Variants in LRRC8B observed in about 807,000 individuals in gnomAD.
The protein encoded by LRRC8B is leucine rich repeat containing 8 VRAC subunit B.
In LRRC8B, 23 loss-of-function variants were observed where a neutral mutation model predicts 58.8. That is an observed-to-expected ratio of 0.39 (90% CI 0.28 to 0.55). The LOEUF (loss-of-function observed/expected upper bound fraction) is 0.55, where lower values mean the gene tolerates loss of function less well. Ranked by LOEUF, LRRC8B falls within the 20% of genes least tolerant of loss-of-function variation. LRRC8B has a pLI of 0.62. For missense variants in LRRC8B, 694 were observed against 936.0 expected (o/e 0.74, Z 3.37); for synonymous variants, 359 against 374.1 (o/e 0.96, Z 0.47).
chr1:89,577,657 G>A (rs569737818), intron 3 of LRRC8B, among the ~76,000 whole-genome samples: 63 of 152,184 alleles, frequency 4.1e-4, no homozygotes, highest in African/African-American at 1.2e-3. Flanking sequence ...TTTATACATA[G>A]GAATGCTGAG....
At chr1:89,580,446 A>G (rs1654136104) in intron 4 of LRRC8B, among the ~76,000 whole-genome samples, 1 of 152,224 alleles carries the variant, frequency 6.6e-6, no homozygotes, top group South Asian at 2.1e-4. Flanking sequence ...ATACATGTCA[A>G]CTAAAATCCT....
intron 1 of LRRC8B, among the ~76,000 whole-genome samples, chr1:89,562,997 A>G (rs1652795553): frequency 6.6e-6 from 1 of 152,228 alleles, no homozygotes; most frequent in Non-Finnish European, 1.5e-5. Flanking sequence ...ATGGTAACCT[A>G]TGAATTATGA....
At chr1:89,560,080 A>G (rs1652506277) in intron 1 of LRRC8B, among the ~76,000 whole-genome samples, 1 of 152,232 alleles carries the variant, frequency 6.6e-6, no homozygotes, top group Non-Finnish European at 1.5e-5. Context: ...CTCTAACATT[A>G]CATGTAAGGA....
chr1:89,568,144 A>G (rs911009987), intron 1 of LRRC8B, 103 bp from the exon 2 acceptor site: 1 of 152,144 alleles, frequency 6.6e-6, no homozygotes, highest in African/African-American at 2.4e-5. Flanking sequence ...ATGCTATCTT[A>G]TTCTCCATTA....
rs1281755246 is a variant in LRRC8B at position 89,593,567 on chromosome 1, C to T, written c.*524C>T. ...ACCTGAAGTTTTGTGAATAACTGTTCTTTAACTTATTGAGATGTTGCAAGA... is the reference window on the plus strand; with the variant it reads ...ACCTGAAGTTTTGTGAATAACTGTTTTTTAACTTATTGAGATGTTGCAAGA... On this transcript the variant is annotated 3_prime_UTR_variant, in exon 6 of 6. Coordinates refer to ENST00000330947, the MANE Select transcript of LRRC8B (RefSeq NM_001369817.2). 6.6e-6 allele frequency: 1 copy of T among 152,634 alleles called. No homozygotes were observed. The highest frequency in any genetic ancestry group is 1.9e-4 in the East Asian group (1 of 5,190). The allele number at this position is 152,634 out of a possible 1,614,324, so 9.5% of individuals were successfully genotyped here. A position where few individuals can be genotyped will look rare whatever the true frequency, so the allele number is the denominator to read the frequency against.
intron 1 of LRRC8B, among the ~76,000 whole-genome samples, chr1:89,544,608 A>T (rs1422497389): frequency 6.6e-6 from 1 of 152,208 alleles, no homozygotes; most frequent in Admixed American, 6.5e-5. Flanking sequence ...AATAATAATA[A>T]TATCCCAGTG....
chr1:89,574,346 A>G (rs1653681892), intron 3 of LRRC8B, among the ~76,000 whole-genome samples: 1 of 152,264 alleles, frequency 6.6e-6, no homozygotes, highest in Non-Finnish European at 1.5e-5. Context: ...AGATGCTGGC[A>G]TAACAAAAAT....
intron 5 of LRRC8B, 33 bp from the exon 6 acceptor site, chr1:89,592,738 A>G: frequency 1.3e-6 from 2 of 1,594,520 alleles, no homozygotes; most frequent in East Asian, 2.2e-5. Context: ...CCAAAAACCT[A>G]TTTTACCAGC....
intron 1 of LRRC8B, among the ~76,000 whole-genome samples, chr1:89,531,877 G>T (rs72957878): frequency 2.0e-5 from 3 of 152,066 alleles, no homozygotes; most frequent in Non-Finnish European, 4.4e-5. Flanking sequence ...GGTCAGGTTC[G>T]CAGGCAATCC....
Position 89,584,180 on chromosome 1 carries a change from G to T in LRRC8B, c.1530G>T (p.Lys510Asn), listed in dbSNP as rs759086623. ...GKIPRWVFHL[K>N]NLKELYLSGC... ...TCCCACGCTGGGTATTTCACCTCAA[G>T]AATCTCAAGGAACTTTATCTTTCGG... Residue 510 changes from lysine (K) to asparagine (N), a missense_variant, in exon 5 of 6, where the codon AAG becomes AAT. Lys to Asn is a moderately conservative substitution (Grantham distance 94). Coordinates refer to ENST00000330947, the MANE Select transcript of LRRC8B (RefSeq NM_001369817.2). 4.6e-5 allele frequency: 74 copies of T among 1,611,362 alleles called. No homozygotes were observed. In the South Asian group the frequency reaches 7.5e-4, roughly 16 times the overall value.
At chr1:89,571,003 T>G (rs1221888214) in intron 3 of LRRC8B, among the ~76,000 whole-genome samples, 1 of 152,012 alleles carries the variant, frequency 6.6e-6, no homozygotes, top group Non-Finnish European at 1.5e-5. Context: ...TCTGTGTTGT[T>G]GAAGATCAGA....
intron 1 of LRRC8B, among the ~76,000 whole-genome samples, chr1:89,540,309 A>G (rs1230934644): frequency 6.6e-6 from 1 of 152,248 alleles, no homozygotes; most frequent in Non-Finnish European, 1.5e-5. Context: ...ATTACATTGT[A>G]GTATGAGGGC....
At chr1:89,566,025 G>A (rs1653024607) in intron 1 of LRRC8B, among the ~76,000 whole-genome samples, 1 of 152,074 alleles carries the variant, frequency 6.6e-6, no homozygotes, top group Non-Finnish European at 1.5e-5. Context: ...TACTATTTTT[G>A]TTTAATCTAG....
intron 1 of LRRC8B, among the ~76,000 whole-genome samples, chr1:89,526,448 C>G (rs1649708106): frequency 6.6e-6 from 1 of 152,202 alleles, no homozygotes; most frequent in Admixed American, 6.5e-5. Context: ...CTCCTGACCT[C>G]AAGTGACCCA....
At chr1:89,531,614 C>T (rs575576698) in intron 1 of LRRC8B, among the ~76,000 whole-genome samples, 11 of 152,256 alleles carry the variant, frequency 7.2e-5, no homozygotes, top group Admixed American at 6.5e-4. Flanking sequence ...ACCTTTAAAG[C>T]TGTCAGATTC....
In LRRC8B at chr1:89,589,768, GA is replaced by G. The variant is rs71084952; in HGVS notation, c.2140-2987del. Among the ~76,000 whole-genome samples the G allele has an allele frequency of 2.8e-3, 270 of 97,968 alleles. 1 individual carries two copies. The highest frequency in any genetic ancestry group is 5.5e-3 in the Middle Eastern group (1 of 182). 64.3% of individuals were successfully genotyped at this position (97,968 alleles called of 152,430 possible). ...CTGAGATGGCATGTGTCAGTGGCCA[GA>G]AAAAAAAAAAAAAAAGGAAATCTGG... On this transcript the variant is annotated intron_variant, in intron 5 of 5. Transcript: ENST00000330947.
chr1:89,547,438 G>A (rs1487428101), intron 1 of LRRC8B, among the ~76,000 whole-genome samples: 1 of 152,006 alleles, frequency 6.6e-6, no homozygotes, highest in African/African-American at 2.4e-5. Flanking sequence ...TGGGCAGATG[G>A]GTTTCATTGC....
chr1:89,543,332 A>G (rs960807821), intron 1 of LRRC8B, among the ~76,000 whole-genome samples: 1 of 152,214 alleles, frequency 6.6e-6, no homozygotes, highest in African/African-American at 2.4e-5. Context: ...ACATAAGTCT[A>G]AGGTATAAAT....
At chr1:89,555,217 GA>G (rs2100926908) in intron 1 of LRRC8B, among the ~76,000 whole-genome samples, 1 of 152,238 alleles carries the variant, frequency 6.6e-6, no homozygotes, top group African/African-American at 2.4e-5. Flanking sequence ...CGTTATTTTA[GA>G]AGAACCTTAC....
Sources: gnomAD v4.1 joint callset for allele counts (sites outside exome capture counted in the v4.1 genomes callset) on GRCh38, gnomAD v4.1.1 for gene constraint, MANE v1.5 for transcripts, NCBI Gene and HGNC (gene_info 2026-07-23, HGNC 2026-07-21) for gene names.